PARD3B: variants seen among roughly 807,000 people sequenced by gnomAD.
PARD3B encodes the protein partitioning defective 3 homolog B.
In PARD3B, 103 loss-of-function variants were observed where a neutral mutation model predicts 130.2. The observed-to-expected ratio is 0.79, with a 90% CI of 0.67 to 0.93. PARD3B has a LOEUF of 0.93. Among genes scored for constraint, PARD3B ranks in the 40% least tolerant of loss-of-function variants. The probability of loss-of-function intolerance (pLI) is 0.00; values close to 1 mark genes in which losing one functional copy is unlikely to be tolerated. For missense variants in PARD3B, 1,609 were observed against 1,499.2 expected, an observed-to-expected ratio of 1.07 and a Z score of -1.21; for synonymous variants, 583 against 553.2, an observed-to-expected ratio of 1.05 and a Z score of -0.76.
intron 2 of PARD3B, among the ~76,000 whole-genome samples, chr2:204,809,088 T>C (rs1309867501): frequency 6.6e-6 from 1 of 152,140 alleles, no homozygotes; most frequent in Non-Finnish European, 1.5e-5. Flanking sequence ...TTTTGAACAG[T>C]GCTTATTTCC....
rs376644982 is a variant in PARD3B at position 205,319,035 on chromosome 2, TCA to T, written c.2630+17337_2630+17338del. ...CATTTTCCCTTCCTCTCATATCCTC[TCA>T]CATATATGGCCTCATTTTCAGGTTC... On this transcript the variant is annotated intron_variant, in intron 18 of 22. Coordinates refer to ENST00000406610, the MANE Select transcript of PARD3B (RefSeq NM_001302769.2). Among the ~76,000 whole-genome samples, 85 of 152,298 alleles carry T rather than the reference TCA, an allele frequency of 5.6e-4. 2 individuals carry two copies. The East Asian group carries it at 0.015, about 27-fold the overall frequency.
intron 2 of PARD3B, among the ~76,000 whole-genome samples, chr2:204,790,177 T>C (rs1004156856): frequency 6.6e-6 from 1 of 152,138 alleles, no homozygotes; most frequent in Non-Finnish European, 1.5e-5. Context: ...GCCTCTGATG[T>C]TTTTATAAAA....
chr2:205,548,606 G>A (rs1232334851), intron 21 of PARD3B, among the ~76,000 whole-genome samples: 1 of 151,918 alleles, frequency 6.6e-6, no homozygotes, highest in South Asian at 2.1e-4. Context: ...ACAATCTCTG[G>A]CTCAGACCTT....
intron 1 of PARD3B, among the ~76,000 whole-genome samples, chr2:204,655,078 A>G (rs1036603694): frequency 1.3e-5 from 2 of 152,186 alleles, no homozygotes; most frequent in African/African-American, 4.8e-5. Context: ...ATCTGAGAGT[A>G]GAAGAGAAAG....
intron 21 of PARD3B, among the ~76,000 whole-genome samples, chr2:205,523,213 GTGTGT>G (rs1166615377): frequency 2.3e-3 from 133 of 57,938 alleles, no homozygotes; most frequent in African/African-American, 6.4e-3. Flanking sequence ...TACTATATGT[GTGTGT>G]GTGTGTGTAT....
intron 2 of PARD3B, among the ~76,000 whole-genome samples, chr2:204,841,686 C>T (rs896968176): frequency 2.0e-4 from 30 of 152,036 alleles, no homozygotes; most frequent in African/African-American, 7.2e-4. Context: ...TTATTTTTCC[C>T]CATTTCTGGT....
chr2:205,507,503 C>T (rs1487787087), intron 21 of PARD3B, among the ~76,000 whole-genome samples: 3 of 151,838 alleles, frequency 2.0e-5, no homozygotes, highest in African/African-American at 2.4e-5. Flanking sequence ...CTTGAGCCAC[C>T]GCACCCGGCC....
chr2:205,067,566 G>T lies in PARD3B; in HGVS notation c.504+19876G>T, dbSNP rs569911866. 3.3e-5 allele frequency among the ~76,000 whole-genome samples: 5 copies of T among 152,216 alleles called. No homozygotes were observed. The East Asian group carries it at 9.6e-4, about 29-fold the overall frequency. On this transcript the variant is annotated intron_variant, in intron 4 of 22. Coordinates refer to ENST00000406610, the MANE Select transcript of PARD3B (RefSeq NM_001302769.2). ...TATTATTATAGTGTATATGTTTAAA[G>T]AAAATTTCTAAAATGAATTACAATA... is the stretch of plus-strand genomic sequence containing the variant.
intron 4 of PARD3B, among the ~76,000 whole-genome samples, chr2:205,103,330 C>CGTATTTTTATTTATGTAAAATAAAT (rs1702944606): frequency 1.1e-5 from 1 of 91,342 alleles, no homozygotes; most frequent in Non-Finnish European, 2.2e-5. Context: ...GTAAAATAAA[C>CGTATTTTTATTTATGTAAAATAAAT]ATATTTTTAT....
At chr2:205,320,869 T>C (rs1009175914) in intron 18 of PARD3B, among the ~76,000 whole-genome samples, 22 of 152,238 alleles carry the variant, frequency 1.4e-4, no homozygotes, top group Non-Finnish European at 1.6e-4. Flanking sequence ...TTTGCTGATA[T>C]ACATACACTG....
Position 205,575,428 on chromosome 2 carries a change from A to G in PARD3B, c.3260+22025A>G, listed in dbSNP as rs2053723006. Among the ~76,000 whole-genome samples, 1 of 151,964 alleles carries G rather than the reference A, an allele frequency of 6.6e-6. No homozygotes were observed. The highest frequency in any genetic ancestry group is 1.5e-5 in the Non-Finnish European group (1 of 67,982). Reference sequence around the variant, plus strand: ...CATTAGCGCTCTCTCGGTGTTGTTCATTCTGTGGGTTTGGACAAGTGTATA... The same window carrying G: ...CATTAGCGCTCTCTCGGTGTTGTTCGTTCTGTGGGTTTGGACAAGTGTATA... On this transcript the variant is annotated intron_variant, in intron 22 of 22. Transcript: ENST00000406610. The surrounding 1 kb of genome is among the most constrained non-coding windows in gnomAD (Gnocchi z 4.6).
chr2:204,941,675 G>T (rs1297060007), intron 2 of PARD3B, among the ~76,000 whole-genome samples: 1 of 152,080 alleles, frequency 6.6e-6, no homozygotes, highest in Non-Finnish European at 1.5e-5. Context: ...CCATTTGAAG[G>T]AAATTTTCCA....
At position 204,546,128 on chromosome 2, in the gene PARD3B, G is replaced by T; in HGVS notation, c.120+9G>T. 6.4e-7 allele frequency: 1 copy of T among 1,552,656 alleles called. No homozygotes were observed. The highest frequency in any genetic ancestry group is 1.2e-5 in the South Asian group (1 of 84,274). ...TGAAGACCCGGGAGAAGGTGAGCGC[G>T]GCGCGGAGGAGTGGGGCGCGGCTGC... On this transcript the variant is annotated intron_variant, in intron 1 of 22. Coordinates refer to ENST00000406610, the MANE Select transcript of PARD3B (RefSeq NM_001302769.2).
At chr2:205,311,382 ATTGTGG>A (rs369573702) in intron 18 of PARD3B, among the ~76,000 whole-genome samples, 89 of 152,192 alleles carry the variant, frequency 5.8e-4, no homozygotes, top group African/African-American at 2.1e-3. Context: ...GTGATGTCTC[ATTGTGG>A]TTTTAATTTG....
intron 18 of PARD3B, among the ~76,000 whole-genome samples, chr2:205,382,175 A>G (rs1472775587): frequency 6.6e-6 from 1 of 152,052 alleles, no homozygotes; most frequent in East Asian, 1.9e-4. Flanking sequence ...AGGATACAAC[A>G]TTGCATTATT....
intron 4 of PARD3B, among the ~76,000 whole-genome samples, chr2:205,066,802 AATC>A (rs1446803146): frequency 6.6e-6 from 1 of 152,136 alleles, no homozygotes; most frequent in Non-Finnish European, 1.5e-5. Context: ...TGATGACTTA[AATC>A]ATCATTTAAA....
chr2:204,999,661 T>C (rs1214323684), intron 3 of PARD3B, among the ~76,000 whole-genome samples: 3 of 152,212 alleles, frequency 2.0e-5, no homozygotes, highest in African/African-American at 2.4e-5. Context: ...AGTGGTCTTC[T>C]TAATTGCTAT....
At chr2:204,696,986 G>A (rs2037640510) in intron 2 of PARD3B, among the ~76,000 whole-genome samples, 1 of 151,968 alleles carries the variant, frequency 6.6e-6, no homozygotes, top group South Asian at 2.1e-4. Context: ...AAATACACAT[G>A]TTTATACAAT....
chr2:205,182,704 A>G (rs1340584943), intron 13 of PARD3B, among the ~76,000 whole-genome samples: 2 of 152,220 alleles, frequency 1.3e-5, no homozygotes, highest in African/African-American at 4.8e-5. Flanking sequence ...CTAAAGTGTC[A>G]CTGGATAGAT....
Sources: allele counts gnomAD v4.1 joint callset (sites outside exome capture counted in the v4.1 genomes callset), GRCh38; gene constraint gnomAD v4.1.1; non-coding constraint Gnocchi (gnomAD v3.1); transcripts MANE v1.5; gene names NCBI Gene and HGNC (gene_info 2026-07-23, HGNC 2026-07-21).